Variants in NUSAP1 observed in about 807,000 individuals in gnomAD.
The protein encoded by NUSAP1 is nucleolar and spindle associated protein 1, also known as nucleolar and spindle-associated protein 1.
Under a neutral mutation model 52.8 loss-of-function variants are expected in NUSAP1, and 32 were observed. The ratio of observed to expected loss-of-function variants is 0.61; its 90% CI spans 0.46 to 0.81. The LOEUF (loss-of-function observed/expected upper bound fraction) is 0.81, where lower values mean the gene tolerates loss of function less well. Ranked by LOEUF, NUSAP1 falls within the 40% of genes least tolerant of loss-of-function variation. NUSAP1 has a pLI of 0.00. For synonymous variants in NUSAP1, 195 were observed against 183.1 expected (o/e 1.06, Z -0.52); for missense variants, 499 against 522.3 (o/e 0.96, Z 0.43).
chr15:41,379,956 G>A (rs552626787), intron 10 of NUSAP1, 137 bp from the exon 11 acceptor site: 1 of 607,310 alleles, frequency 1.6e-6, no homozygotes, highest in African/African-American at 1.9e-5. Flanking sequence ...AGAGCACAGT[G>A]CCCTCTAAGA....
chr15:41,335,318 TATAA>T (rs2048078005), intron 1 of NUSAP1, among the ~76,000 whole-genome samples: 1 of 145,102 alleles, frequency 6.9e-6, no homozygotes, highest in South Asian at 2.1e-4. Flanking sequence ...TACTAGTATA[TATAA>T]ATATACTAGG....
At chr15:41,362,616 G>A (rs1171115679) in intron 6 of NUSAP1, among the ~76,000 whole-genome samples, 2 of 151,276 alleles carry the variant, frequency 1.3e-5, no homozygotes, top group Non-Finnish European at 2.9e-5. Context: ...ATTTTTAGTA[G>A]AGATGGGGTT....
chr15:41,377,451 G>T (rs2049989332), intron 10 of NUSAP1, 147 bp downstream of exon 10: 2 of 469,036 alleles, frequency 4.3e-6, no homozygotes, highest in South Asian at 5.8e-5. Context: ...TGTAATCCCA[G>T]CACTTTGGGA....
intron 3 of NUSAP1, among the ~76,000 whole-genome samples, chr15:41,350,125 C>T (rs752794949): frequency 3.9e-5 from 6 of 152,056 alleles, no homozygotes; most frequent in East Asian, 1.9e-4. Flanking sequence ...AACTGAGGAA[C>T]GGAGAGACTA....
At chr15:41,367,953 T>C (rs2049489177) in intron 7 of NUSAP1, among the ~76,000 whole-genome samples, 2 of 152,304 alleles carry the variant, frequency 1.3e-5, no homozygotes, top group Middle Eastern at 3.4e-3. Context: ...TTTTCTGTGG[T>C]GGCTCCCACC....
chr15:41,349,448 A>G, intron 3 of NUSAP1: 1 of 470,578 alleles, frequency 2.1e-6, no homozygotes, highest in Non-Finnish European at 3.9e-6. Context: ...TTAAGTATTA[A>G]GCTCACATTA....
intron 2 of NUSAP1, among the ~76,000 whole-genome samples, chr15:41,347,686 C>T (rs1288449501): frequency 4.0e-5 from 6 of 151,754 alleles, no homozygotes; most frequent in Admixed American, 2.6e-4. Flanking sequence ...TGGTGGCGGG[C>T]GCCTGTAGTC....
At position 41,377,078 on chromosome 15, in the gene NUSAP1, C is replaced by T. The variant is rs73407103; in HGVS notation, c.1124-118C>T. 4.4e-4 allele frequency: 264 copies of T among 602,732 alleles called. 1 individual carries two copies. The African/African-American group carries it at 4.8e-3, about 11-fold the overall frequency. The allele number at this position is 602,732 out of a possible 1,614,324, so 37.3% of individuals were successfully genotyped here. On this transcript the variant is annotated intron_variant, in intron 9 of 10. Transcript: ENST00000559596. ...ACTGAGCGACAGAGTGAGATTCTGT[C>T]TCAAAGAAAAAAAAAGTATAAATGT... is the stretch of plus-strand genomic sequence containing the variant.
chr15:41,365,568 C>G lies in NUSAP1; in HGVS notation c.827C>G (p.Ser276Cys), dbSNP rs778856260. 1.2e-6 allele frequency: 2 copies of G among 1,602,798 alleles called. No homozygotes were observed. Among genetic ancestry groups the G allele is most frequent in the Admixed American group, 3.4e-5 (2 of 59,020 alleles). Residue 276 changes from serine to cysteine, a missense_variant, in exon 7 of 11, where the codon TCT becomes TGT. Ser to Cys is a moderately radical substitution (Grantham distance 112). Coordinates refer to ENST00000559596, the MANE Select transcript of NUSAP1 (RefSeq NM_016359.5). ...LKGSLKRSAISAAKTGVRFSA... is the reference protein window; with the variant it reads ...LKGSLKRSAICAAKTGVRFSA... Reference sequence around the variant, plus strand: ...GGGTCACTCAAGCGCTCTGCTATCTCTGCAGCTAAAACGGGTGTCAGGTAA... The same window carrying G: ...GGGTCACTCAAGCGCTCTGCTATCTGTGCAGCTAAAACGGGTGTCAGGTAA...
At chr15:41,347,380 T>C (rs1205270151) in intron 2 of NUSAP1, among the ~76,000 whole-genome samples, 1 of 152,160 alleles carries the variant, frequency 6.6e-6, no homozygotes, top group Non-Finnish European at 1.5e-5. Context: ...TAAATAGTTA[T>C]CAGACAAAGG....
At chr15:41,353,005 G>C (rs1240185495) in intron 4 of NUSAP1, among the ~76,000 whole-genome samples, 3 of 152,158 alleles carry the variant, frequency 2.0e-5, no homozygotes, top group Non-Finnish European at 4.4e-5. Flanking sequence ...AGGCACAAGT[G>C]CTGGTTTTTC....
intron 2 of NUSAP1, 40 bp from the exon 3 acceptor site, chr15:41,349,058 G>A (rs1326557853): frequency 6.3e-7 from 1 of 1,589,872 alleles, no homozygotes; most frequent in Non-Finnish European, 8.6e-7. Context: ...CATTATAACT[G>A]TAGACATAGC....
chr15:41,354,746 C>T (rs962789608), intron 4 of NUSAP1, among the ~76,000 whole-genome samples: 17 of 151,058 alleles, frequency 1.1e-4, no homozygotes, highest in Admixed American at 2.7e-4. Context: ...GGGCAGGGCG[C>T]GGTGGCTCAC....
chr15:41,362,763 C>A (rs2049227895), intron 6 of NUSAP1, among the ~76,000 whole-genome samples: 1 of 151,974 alleles, frequency 6.6e-6, no homozygotes, highest in Non-Finnish European at 1.5e-5. Flanking sequence ...TTAATAGTAT[C>A]TTGCCTTGTG....
chr15:41,344,897 C>T (rs540889657), intron 2 of NUSAP1, among the ~76,000 whole-genome samples: 42 of 152,216 alleles, frequency 2.8e-4, no homozygotes, highest in African/African-American at 9.6e-4. Flanking sequence ...GCCAAGATTA[C>T]GCCGCTGCAT....
chr15:41,332,913 G>T lies in NUSAP1; in HGVS notation c.-45G>T, dbSNP rs2047964892. Reference sequence around the variant, plus strand: ...CAGGGATTTGAACCGCGCTGACGAAGTTTGGTGATCCATCTTCCGAGTATC... The same window carrying T: ...CAGGGATTTGAACCGCGCTGACGAATTTTGGTGATCCATCTTCCGAGTATC... On this transcript the variant is annotated 5_prime_UTR_variant, in exon 1 of 11. Coordinates refer to ENST00000559596, the MANE Select transcript of NUSAP1 (RefSeq NM_016359.5). 6.7e-7 allele frequency: 1 copy of T among 1,486,606 alleles called. No homozygotes were observed. Among genetic ancestry groups the T allele is most frequent in the Non-Finnish European group, 9.3e-7 (1 of 1,078,680 alleles). The allele number at this position is 1,486,606 out of a possible 1,614,324, so 92.1% of individuals were successfully genotyped here. A position where few individuals can be genotyped will look rare whatever the true frequency, so the allele number is the denominator to read the frequency against.
At chr15:41,342,214 C>T (rs1222355653) in intron 1 of NUSAP1, among the ~76,000 whole-genome samples, 172 bp from the exon 2 acceptor site, 3 of 152,218 alleles carry the variant, frequency 2.0e-5, no homozygotes, top group Non-Finnish European at 4.4e-5. Context: ...GTCTAACTTT[C>T]CCACTCAGAT....
intron 5 of NUSAP1, among the ~76,000 whole-genome samples, chr15:41,357,668 T>C (rs1270236817): frequency 6.6e-6 from 1 of 152,096 alleles, no homozygotes; most frequent in Non-Finnish European, 1.5e-5. Context: ...GGTCTCGAAC[T>C]CCTGACCTCA....
At chr15:41,342,054 C>A (rs922335854) in intron 1 of NUSAP1, among the ~76,000 whole-genome samples, 1 of 152,230 alleles carries the variant, frequency 6.6e-6, no homozygotes, top group Admixed American at 6.5e-5. Flanking sequence ...GACATCACAT[C>A]TTTATCTGAG....
Sources: gnomAD v4.1 joint callset for allele counts (sites outside exome capture counted in the v4.1 genomes callset) on GRCh38, gnomAD v4.1.1 for gene constraint, MANE v1.5 for transcripts, NCBI Gene and HGNC (gene_info 2026-07-23, HGNC 2026-07-21) for gene names.